The following PACS1 variants were observed in gnomAD, a reference collection of about 807,000 sequenced individuals.
The protein encoded by PACS1 is phosphofurin acidic cluster sorting protein 1.
PACS1 carries 24 observed loss-of-function variants against 115.0 expected under a neutral mutation model. That is an observed-to-expected ratio of 0.21 (90% CI 0.15 to 0.29). The LOEUF (loss-of-function observed/expected upper bound fraction) is 0.29. Ranked by LOEUF, PACS1 falls within the 10% of genes least tolerant of loss-of-function variation. The probability of loss-of-function intolerance (pLI) is 1.00; values close to 1 mark genes in which losing one functional copy is unlikely to be tolerated. For missense variants in PACS1, 838 were observed against 1,251.2 expected, an observed-to-expected ratio of 0.67 and a Z score of 4.98; for synonymous variants, 453 against 504.5, an observed-to-expected ratio of 0.90 and a Z score of 1.37.
chr11:66,234,341 C>A (rs1442224477), intron 17 of PACS1, 99 bp downstream of exon 17: 2 of 790,366 alleles, frequency 2.5e-6, no homozygotes, highest in African/African-American at 1.7e-5. Flanking sequence ...TTCCTCCCTG[C>A]AGCTCTCACC....
chr11:66,070,762 A>G lies in PACS1; in HGVS notation c.276A>G (p.Pro92=). ...SGSAPPGGPG[P]GRTPAPVQMN... ...CCGCGCCTCCCGGTGGCCCGGGGCC[A>G]GGCCGCACCCCCGCCCCGGTGCAGA... The change falls in exon 1 of 24, where the codon CCA becomes CCG. Residue 92 remains proline, a synonymous_variant. Coordinates refer to ENST00000320580, the MANE Select transcript of PACS1 (RefSeq NM_018026.4). This position sits in a 1 kb window ranked among gnomAD's most constrained non-coding sequence, Gnocchi z 5.9. 6.5e-7 allele frequency: 1 copy of G among 1,546,088 alleles called. No individual in the cohort carries two copies.
intron 1 of PACS1, among the ~76,000 whole-genome samples, chr11:66,106,679 C>G (rs1724319144): frequency 6.6e-6 from 1 of 151,880 alleles, no homozygotes; most frequent in South Asian, 2.1e-4. Flanking sequence ...TCGCTTGAGC[C>G]CAAGAGGTTG....
chr11:66,171,947 C>G (rs1160229391), intron 1 of PACS1, among the ~76,000 whole-genome samples: 3 of 152,140 alleles, frequency 2.0e-5, no homozygotes, highest in African/African-American at 7.2e-5. Flanking sequence ...AGTTTACTCT[C>G]AAGCTTTGAA....
chr11:66,234,095 C>T (rs1855657871), intron 16 of PACS1, 37 bp from the exon 17 acceptor site: 1 of 1,552,720 alleles, frequency 6.4e-7, no homozygotes, highest in Non-Finnish European at 8.9e-7. Flanking sequence ...GTCTCATCTC[C>T]TGACGAATTC....
At chr11:66,133,372 T>C (rs2134580773) in intron 1 of PACS1, among the ~76,000 whole-genome samples, 1 of 152,350 alleles carries the variant, frequency 6.6e-6, no homozygotes, top group Non-Finnish European at 1.5e-5. Flanking sequence ...TCCTATGTTC[T>C]GCTCCTTGGC....
rs116128467 is a variant in PACS1, at chr11:66,102,060, G to T, written c.356+31218G>T. 3.0e-3 allele frequency among the ~76,000 whole-genome samples: 463 copies of T among 152,242 alleles called. 1 individual carries two copies. Among genetic ancestry groups the T allele is most frequent in the African/African-American group, 9.9e-3 (410 of 41,544 alleles). On this transcript the variant is annotated intron_variant, in intron 1 of 23. Coordinates refer to ENST00000320580, the MANE Select transcript of PACS1 (RefSeq NM_018026.4). ...ATGTGAGTTTGCTAGTCTTTCTGAG[G>T]CATTGAAGGCATTTAAAATTTGAAA... is the stretch of plus-strand genomic sequence containing the variant.
At chr11:66,234,090 A>T (rs1855657500) in intron 16 of PACS1, 42 bp from the exon 17 acceptor site, 1 of 1,539,576 alleles carries the variant, frequency 6.5e-7, no homozygotes, top group Non-Finnish European at 9.0e-7. Flanking sequence ...ACACTGTCTC[A>T]TCTCCTGACG....
At chr11:66,215,815 G>C (rs986796317) in intron 4 of PACS1, among the ~76,000 whole-genome samples, 1 of 151,248 alleles carries the variant, frequency 6.6e-6, no homozygotes, top group African/African-American at 2.4e-5. Flanking sequence ...CAGGAGAATC[G>C]CTTGAACCTG....
At chr11:66,198,902 A>G (rs1854708779) in intron 2 of PACS1, among the ~76,000 whole-genome samples, 1 of 152,246 alleles carries the variant, frequency 6.6e-6, no homozygotes, top group African/African-American at 2.4e-5. Context: ...ATGGATTAAT[A>G]AATATTTTAA....
intron 1 of PACS1, among the ~76,000 whole-genome samples, chr11:66,183,721 G>A (rs778956325): frequency 2.0e-5 from 3 of 152,212 alleles, no homozygotes; most frequent in Non-Finnish European, 4.4e-5. Context: ...TTACAGCACC[G>A]TGACTGCTCT....
chr11:66,242,357 AG>A, intron 22 of PACS1, among the ~76,000 whole-genome samples: 1 of 152,266 alleles, frequency 6.6e-6, no homozygotes, highest in African/African-American at 2.4e-5. Flanking sequence ...TCCCCTCTGC[AG>A]AGTTCCCCTG....
chr11:66,232,917 G>A, intron 14 of PACS1, 43 bp from the exon 15 acceptor site: 3 of 1,417,718 alleles, frequency 2.1e-6, no homozygotes, highest in Non-Finnish European at 2.0e-6. Context: ...AAGGAGTGAT[G>A]TGTTCTCACC....
Position 66,153,795 on chromosome 11 carries a change from A to C in PACS1, c.357-39691A>C, listed in dbSNP as rs562871342. ...GACTGTCTCAAAACAAACAAACAAAAAAAACCTTTTAAACATAATATGTAT... is the reference window on the plus strand; with the variant it reads ...GACTGTCTCAAAACAAACAAACAAACAAAACCTTTTAAACATAATATGTAT... On this transcript the variant is annotated intron_variant, in intron 1 of 23. Coordinates refer to ENST00000320580, the MANE Select transcript of PACS1 (RefSeq NM_018026.4). Among the ~76,000 whole-genome samples, 8 of 152,268 alleles carry C rather than the reference A, an allele frequency of 5.3e-5. 1 individual carries two copies. The highest frequency in any genetic ancestry group is 7.2e-5 in the African/African-American group (3 of 41,564).
chr11:66,176,021 T>C (rs1444289623), intron 1 of PACS1, among the ~76,000 whole-genome samples: 1 of 151,624 alleles, frequency 6.6e-6, no homozygotes, highest in Non-Finnish European at 1.5e-5. Context: ...TCCAATCTAC[T>C]CCACACACTT....
chr11:66,109,302 A>T (rs939122076), intron 1 of PACS1, among the ~76,000 whole-genome samples: 2 of 152,106 alleles, frequency 1.3e-5, no homozygotes, highest in African/African-American at 4.8e-5. Flanking sequence ...TGGCTCACGC[A>T]TGTAATCCCA....
chr11:66,151,890 A>G (rs1185088505), intron 1 of PACS1, among the ~76,000 whole-genome samples: 1 of 152,198 alleles, frequency 6.6e-6, no homozygotes, highest in East Asian at 1.9e-4. Context: ...AGAAATGGAA[A>G]GTGAAAAAAT....
intron 21 of PACS1, among the ~76,000 whole-genome samples, chr11:66,240,647 G>C (rs1403341091): frequency 6.6e-6 from 1 of 151,998 alleles, no homozygotes; most frequent in African/African-American, 2.4e-5. Context: ...TTCTGCCCTG[G>C]GGACCTCAGG....
intron 1 of PACS1, among the ~76,000 whole-genome samples, chr11:66,117,810 A>C (rs1334560973): frequency 6.6e-6 from 1 of 151,938 alleles, no homozygotes; most frequent in Admixed American, 6.6e-5. Flanking sequence ...GCGCCATTGC[A>C]CTCCAGCCTG....
At chr11:66,231,593 A>G (rs1239397701) in intron 13 of PACS1, among the ~76,000 whole-genome samples, 1 of 152,116 alleles carries the variant, frequency 6.6e-6, no homozygotes, top group Non-Finnish European at 1.5e-5. Flanking sequence ...TACCAAGTGC[A>G]TTGTCAGTGT....
Sources: allele counts gnomAD v4.1 joint callset (sites outside exome capture counted in the v4.1 genomes callset), GRCh38; gene constraint gnomAD v4.1.1; non-coding constraint Gnocchi (gnomAD v3.1); transcripts MANE v1.5; gene names NCBI Gene and HGNC (gene_info 2026-07-23, HGNC 2026-07-21).